The following ZNRF3 variants were observed in gnomAD, a reference collection of about 807,000 sequenced individuals.
ZNRF3 encodes the protein zinc and ring finger 3.
A neutral mutation model predicts 72.5 loss-of-function variants in ZNRF3; 23 were observed. That is an observed-to-expected ratio of 0.32 (90% confidence interval 0.23 to 0.45). The LOEUF (loss-of-function observed/expected upper bound fraction) is 0.45, where lower values mean the gene tolerates loss of function less well. Ranked by LOEUF, ZNRF3 falls within the 20% of genes least tolerant of loss-of-function variation. The pLI is 1.00. For missense variants in ZNRF3, 1,169 were observed against 1,272.1 expected (o/e 0.92, Z 1.23); for synonymous variants, 610 against 545.3 (o/e 1.12, Z -1.65).
intron 1 of ZNRF3, among the ~76,000 whole-genome samples, chr22:28,979,273 CT>C (rs1353889998): frequency 2.0e-5 from 3 of 152,114 alleles, no homozygotes; most frequent in African/African-American, 7.2e-5. Flanking sequence ...AGTTTTATTT[CT>C]TTGTTTTGTT....
intron 1 of ZNRF3, among the ~76,000 whole-genome samples, chr22:28,954,451 C>T (rs1033409640): frequency 1.9e-4 from 29 of 152,194 alleles, no homozygotes; most frequent in African/African-American, 5.3e-4. Flanking sequence ...AAAGACCCCA[C>T]GCATCTCCAA....
At chr22:29,027,196 A>T (rs2036652426) in intron 2 of ZNRF3, among the ~76,000 whole-genome samples, 1 of 152,150 alleles carries the variant, frequency 6.6e-6, no homozygotes, top group Non-Finnish European at 1.5e-5. Flanking sequence ...GGTTCCCATT[A>T]GTCAATCTCC....
intron 2 of ZNRF3, among the ~76,000 whole-genome samples, chr22:29,012,459 C>T (rs372862690): frequency 1.3e-5 from 2 of 152,214 alleles, no homozygotes; most frequent in Admixed American, 1.3e-4. Flanking sequence ...TCAAGGTCTT[C>T]GAACTGATGA....
chr22:28,921,192 T>C (rs1004804834), intron 1 of ZNRF3, among the ~76,000 whole-genome samples: 9 of 152,076 alleles, frequency 5.9e-5, no homozygotes, highest in African/African-American at 2.2e-4. Flanking sequence ...TGAGGGGCAG[T>C]CATTTCTCTT....
At chr22:29,027,575 A>G (rs1380701857) in intron 2 of ZNRF3, among the ~76,000 whole-genome samples, 1 of 152,096 alleles carries the variant, frequency 6.6e-6, no homozygotes, top group African/African-American at 2.4e-5. Flanking sequence ...AAGCTCCCCC[A>G]GGCATTCCGA....
intron 1 of ZNRF3, among the ~76,000 whole-genome samples, chr22:28,969,516 A>G (rs2035532967): frequency 1.3e-5 from 2 of 152,186 alleles, no homozygotes; most frequent in Non-Finnish European, 2.9e-5. Context: ...AACAAGAGCA[A>G]GTGCAAAAAA....
chr22:28,940,267 A>G (rs375247648), intron 1 of ZNRF3, among the ~76,000 whole-genome samples: 42 of 152,218 alleles, frequency 2.8e-4, no homozygotes, highest in African/African-American at 9.2e-4. Context: ...GGGAAAGGCT[A>G]GTTTCTTAAT....
chr22:28,889,699 C>T (rs893712207), intron 1 of ZNRF3, among the ~76,000 whole-genome samples: 13 of 152,198 alleles, frequency 8.5e-5, no homozygotes, highest in African/African-American at 2.4e-4. Context: ...CTGTGCACTG[C>T]GCAGCATCCT....
intron 2 of ZNRF3, among the ~76,000 whole-genome samples, chr22:29,003,533 C>A (rs1261518289): frequency 6.8e-6 from 1 of 147,860 alleles, no homozygotes; most frequent in African/African-American, 2.5e-5. Flanking sequence ...AAAAAAGAAT[C>A]CATTTGATGT....
rs141420500 is a variant in ZNRF3, at chr22:28,970,297, C to T, written c.301-16779C>T. 2.2e-3 allele frequency among the ~76,000 whole-genome samples: 332 copies of T among 152,150 alleles called. 1 individual carries two copies. The highest frequency in any genetic ancestry group is 0.01 in the South Asian group (49 of 4,814). ...CAGCAACATCGGGCATCAGTAAATG[C>T]AAAATAAAACCACAATGAGATACTG... On this transcript the variant is annotated intron_variant, in intron 1 of 8. Coordinates refer to ENST00000544604, the MANE Select transcript of ZNRF3 (RefSeq NM_001206998.2).
intron 1 of ZNRF3, among the ~76,000 whole-genome samples, chr22:28,923,134 G>A (rs2034538280): frequency 6.6e-6 from 1 of 152,148 alleles, no homozygotes; most frequent in African/African-American, 2.4e-5. Context: ...AAGCAACCTG[G>A]GGCGCTTACT....
chr22:29,030,943 G>C lies in ZNRF3; in HGVS notation c.427-11552G>C, dbSNP rs1350830069. The C allele has an allele frequency of 6.6e-6, 1 of 152,534 alleles. No individual in the cohort carries two copies. The highest frequency in any genetic ancestry group is 2.4e-5 in the African/African-American group (1 of 41,446). The allele number at this position is 152,534 out of a possible 1,614,324, so 9.4% of individuals were successfully genotyped here. A position where few individuals can be genotyped will look rare whatever the true frequency, so the allele number is the denominator to read the frequency against. ...CAGGCCGGGCTGCAGCCAAGCCCTG[G>C]AGCGAGGAGCCGGCGGGTGGAGCTG... On this transcript the variant is annotated intron_variant, in intron 2 of 8. Transcript: ENST00000544604. The surrounding 1 kb of genome is among the most constrained non-coding windows in gnomAD (Gnocchi z 4.2).
chr22:28,933,541 A>C (rs1020812054), intron 1 of ZNRF3, among the ~76,000 whole-genome samples: 2 of 152,146 alleles, frequency 1.3e-5, no homozygotes, highest in Non-Finnish European at 2.9e-5. Flanking sequence ...TACTTGGAAC[A>C]TTTTCTGGCA....
At chr22:28,994,596 G>T (rs931998700) in intron 2 of ZNRF3, among the ~76,000 whole-genome samples, 4 of 152,088 alleles carry the variant, frequency 2.6e-5, no homozygotes, top group Non-Finnish European at 5.9e-5. Context: ...AAGGGGAGTT[G>T]TTTAATGGGT....
At chr22:28,958,016 T>C (rs949958990) in intron 1 of ZNRF3, among the ~76,000 whole-genome samples, 4 of 151,852 alleles carry the variant, frequency 2.6e-5, no homozygotes, top group African/African-American at 9.7e-5. Context: ...TGAAACCCCG[T>C]CTCTACTAAA....
chr22:28,884,726 C>T (rs1011810709), intron 1 of ZNRF3, among the ~76,000 whole-genome samples: 2 of 152,188 alleles, frequency 1.3e-5, no homozygotes, highest in Non-Finnish European at 2.9e-5. Context: ...TACCGCCTGC[C>T]CGTCCCTCGG....
chr22:29,042,079 C>T (rs2036972916), intron 2 of ZNRF3, among the ~76,000 whole-genome samples: 1 of 152,124 alleles, frequency 6.6e-6, no homozygotes, highest in African/African-American at 2.4e-5. Flanking sequence ...CATCTGACCT[C>T]ATGATTACCA....
At chr22:29,046,578 T>G in intron 5 of ZNRF3, 138 bp from the exon 6 acceptor site, 1 of 953,392 alleles carries the variant, frequency 1.0e-6, no homozygotes, top group South Asian at 2.5e-5. Flanking sequence ...GTCTGAGTTC[T>G]GAGCGACTTC....
intron 1 of ZNRF3, among the ~76,000 whole-genome samples, chr22:28,977,038 G>C (rs2035687225): frequency 6.6e-6 from 1 of 152,204 alleles, no homozygotes; most frequent in African/African-American, 2.4e-5. Context: ...AATGCCCCCT[G>C]CTTCCCCAAG....
Sources: allele counts gnomAD v4.1 joint callset (sites outside exome capture counted in the v4.1 genomes callset), GRCh38; gene constraint gnomAD v4.1.1; non-coding constraint Gnocchi (gnomAD v3.1); transcripts MANE v1.5; gene names NCBI Gene and HGNC (gene_info 2026-07-23, HGNC 2026-07-21).